DGKB: variants seen among roughly 807,000 people sequenced by gnomAD.
DGKB encodes the protein 90 kDa diacylglycerol kinase.
A neutral mutation model predicts 114.3 loss-of-function variants in DGKB; 67 were observed. That is an observed-to-expected ratio of 0.59 (90% CI 0.48 to 0.72). The LOEUF (loss-of-function observed/expected upper bound fraction) is 0.72. Among genes scored for constraint, DGKB ranks in the 30% least tolerant of loss-of-function variants. The pLI, the probability that DGKB is intolerant of heterozygous loss-of-function variation, is 0.00. For missense variants in DGKB, 907 were observed against 975.2 expected (o/e 0.93, Z 0.93); for synonymous variants, 398 against 323.1 (o/e 1.23, Z -2.49).
chr7:14,960,449 T>A (rs891650925), intron 1 of DGKB, among the ~76,000 whole-genome samples: 7 of 152,094 alleles, frequency 4.6e-5, no homozygotes, highest in Non-Finnish European at 1.0e-4. Context: ...CTTTATTTTT[T>A]ACTGTTTTAC....
intron 6 of DGKB, among the ~76,000 whole-genome samples, chr7:14,702,029 A>T (rs1825286740): frequency 1.3e-5 from 2 of 152,190 alleles, no homozygotes; most frequent in African/African-American, 4.8e-5. Context: ...CTCAAAACTA[A>T]AAGAGAAGAA....
chr7:14,896,958 G>C (rs535168446), intron 1 of DGKB, among the ~76,000 whole-genome samples: 12 of 151,822 alleles, frequency 7.9e-5, no homozygotes, highest in African/African-American at 2.9e-4. Context: ...GATTCTAAAA[G>C]AAAGTGTATT....
intron 1 of DGKB, among the ~76,000 whole-genome samples, chr7:14,910,237 T>A (rs556312593): frequency 4.3e-4 from 51 of 117,862 alleles, no homozygotes; most frequent in Admixed American, 6.9e-4. Flanking sequence ...CGAGACTCCA[T>A]CAAAAAAAGA....
chr7:14,253,557 C>T (rs1402756863), intron 23 of DGKB, among the ~76,000 whole-genome samples: 1 of 152,154 alleles, frequency 6.6e-6, no homozygotes, highest in African/African-American at 2.4e-5. Context: ...GCTTCCTATC[C>T]CTCTATCCTT....
chr7:14,613,659 G>A, intron 15 of DGKB, among the ~76,000 whole-genome samples: 1 of 151,798 alleles, frequency 6.6e-6, no homozygotes, highest in East Asian at 1.9e-4. Flanking sequence ...GGGCCGAGGG[G>A]AAGGCAGTCA....
intron 2 of DGKB, among the ~76,000 whole-genome samples, chr7:14,769,250 G>A (rs1837028067): frequency 8.1e-6 from 1 of 124,220 alleles, no homozygotes; most frequent in African/African-American, 4.0e-5. Context: ...AAGAAAGAAA[G>A]AAAGAAAGAA....
chr7:14,533,604 T>C (rs904800436), intron 20 of DGKB, among the ~76,000 whole-genome samples: 1 of 151,940 alleles, frequency 6.6e-6, no homozygotes, highest in Admixed American at 6.6e-5. Flanking sequence ...GTTTTAAACC[T>C]AAAGAAGTCT....
chr7:14,361,412 A>T (rs1815714676), intron 21 of DGKB, among the ~76,000 whole-genome samples: 1 of 152,040 alleles, frequency 6.6e-6, no homozygotes, highest in Non-Finnish European at 1.5e-5. Context: ...AGTTTAACAC[A>T]TAAATCAGTA....
chr7:14,677,034 T>G lies in DGKB; in HGVS notation c.1036-4007A>C, dbSNP rs1525081. On this transcript the variant is annotated intron_variant, in intron 12 of 25. Transcript: ENST00000402815. The stretch of plus-strand genomic sequence containing the variant: ...AATAGAAACCAGCTTTTCCTGGAAG[T>G]GAATTAAACACTTGGAAATAATTTC... Among the ~76,000 whole-genome samples, 158 of 152,042 alleles carry G rather than the reference T, an allele frequency of 1.0e-3. 3 individuals carry two copies. The East Asian group carries it at 0.029, about 28-fold the overall frequency.
In DGKB at chr7:14,667,831, A is replaced by AT. The variant is rs1467819638; in HGVS notation, c.1134+5097_1134+5098insA. Among the ~76,000 whole-genome samples the AT allele has an allele frequency of 3.9e-5, 6 of 152,242 alleles. No individual in the cohort carries two copies. The East Asian group carries it at 1.2e-3, about 29-fold the overall frequency. ...CAATATTTTTATTCCGTGACAAGAA[A>AT]GTAACCTTTTAATTCGGACTTAGCT... On this transcript the variant is annotated intron_variant, in intron 13 of 25. Coordinates refer to ENST00000402815, the MANE Select transcript of DGKB (RefSeq NM_001350709.2).
chr7:14,863,305 G>A (rs1851254500), intron 1 of DGKB, among the ~76,000 whole-genome samples: 1 of 151,198 alleles, frequency 6.6e-6, no homozygotes, highest in African/African-American at 2.4e-5. Context: ...AACCATCTGT[G>A]TCTTTTATGT....
intron 20 of DGKB, among the ~76,000 whole-genome samples, chr7:14,535,081 A>C (rs1445330386): frequency 2.6e-5 from 4 of 152,180 alleles, no homozygotes; most frequent in Admixed American, 2.6e-4. Flanking sequence ...TTTTAAAAAG[A>C]ATAAATGGCA....
chr7:14,783,042 A>T (rs1203215220), intron 2 of DGKB, among the ~76,000 whole-genome samples: 1 of 152,164 alleles, frequency 6.6e-6, no homozygotes, highest in Non-Finnish European at 1.5e-5. Flanking sequence ...TCTCTGTAAG[A>T]GTTTATGAAC....
rs548294363 is a variant in DGKB at position 14,236,882 on chromosome 7, CT to C, written c.2123-58732del. ...CATTTTCAGAATTTAACATTAAGCA[CT>C]TTTTTTTTTCTCGTGGTGACTTTTC... On this transcript the variant is annotated intron_variant, in intron 23 of 25. Transcript: ENST00000402815. Among the ~76,000 whole-genome samples the C allele has an allele frequency of 1.4e-4, 21 of 149,382 alleles. 1 individual carries two copies. The highest frequency in any genetic ancestry group is 7.1e-3 in the Middle Eastern group (2 of 282).
intron 25 of DGKB, among the ~76,000 whole-genome samples, chr7:14,162,531 G>C (rs938186808): frequency 2.0e-5 from 3 of 151,976 alleles, no homozygotes; most frequent in African/African-American, 7.3e-5. Context: ...TTTAGATATT[G>C]TGTCCAACAT....
At chr7:14,639,683 T>C (rs1423665988) in intron 13 of DGKB, among the ~76,000 whole-genome samples, 2 of 152,232 alleles carry the variant, frequency 1.3e-5, no homozygotes, top group African/African-American at 4.8e-5. Context: ...AAACTATCAC[T>C]ATGATCAACA....
intron 1 of DGKB, among the ~76,000 whole-genome samples, chr7:14,909,207 A>G (rs1587360497): frequency 6.6e-6 from 1 of 152,312 alleles, no homozygotes; most frequent in South Asian, 2.1e-4. Context: ...TGTGCAGCTC[A>G]CACAGCTATG....
chr7:14,787,963 T>C (rs1207956089), intron 2 of DGKB, among the ~76,000 whole-genome samples: 1 of 152,184 alleles, frequency 6.6e-6, no homozygotes. Flanking sequence ...TTTGACTGCC[T>C]TTGAGGCAGA....
intron 21 of DGKB, among the ~76,000 whole-genome samples, chr7:14,384,360 GT>G (rs1330652066): frequency 6.6e-6 from 1 of 152,104 alleles, no homozygotes; most frequent in Non-Finnish European, 1.5e-5. Flanking sequence ...TGTAAATAAA[GT>G]TTTTTTGAAA....
Sources: allele counts gnomAD v4.1 joint callset (sites outside exome capture counted in the v4.1 genomes callset), GRCh38; gene constraint gnomAD v4.1.1; transcripts MANE v1.5; gene names NCBI Gene and HGNC (gene_info 2026-07-23, HGNC 2026-07-21).